Variants in SHB observed in about 807,000 individuals in gnomAD.
SHB encodes the protein SH2 domain-containing adapter protein B.
SHB carries 20 observed loss-of-function variants against 52.3 expected under a neutral mutation model. The observed-to-expected ratio is 0.38, with a 90% CI of 0.27 to 0.56. The LOEUF (loss-of-function observed/expected upper bound fraction) is 0.56, where lower values mean the gene tolerates loss of function less well. Among genes scored for constraint, SHB ranks in the 20% least tolerant of loss-of-function variants. The pLI is 0.71. For missense variants in SHB, 825 were observed against 723.3 expected (o/e 1.14, Z -1.61); for synonymous variants, 397 against 316.5 (o/e 1.25, Z -2.70).
intron 1 of SHB, among the ~76,000 whole-genome samples, chr9:38,066,338 C>G (rs1821960207): frequency 6.6e-6 from 1 of 152,196 alleles, no homozygotes; most frequent in Non-Finnish European, 1.5e-5. Flanking sequence ...GTGCAGTTAG[C>G]CGTGACCCTC....
intron 5 of SHB, among the ~76,000 whole-genome samples, chr9:37,923,252 A>C (rs1832204549): frequency 6.6e-6 from 1 of 152,222 alleles, no homozygotes; most frequent in African/African-American, 2.4e-5. Flanking sequence ...TCAGACTCTG[A>C]GCAAACATCC....
chr9:37,961,812 A>C (rs1832694818), intron 3 of SHB, among the ~76,000 whole-genome samples: 1 of 152,184 alleles, frequency 6.6e-6, no homozygotes, highest in Non-Finnish European at 1.5e-5. Context: ...AGTCTGCACC[A>C]CTGTCCTGGC....
intron 1 of SHB, among the ~76,000 whole-genome samples, chr9:38,016,674 C>A (rs1462701658): frequency 6.6e-6 from 1 of 152,162 alleles, no homozygotes; most frequent in Non-Finnish European, 1.5e-5. Context: ...CAACTACATA[C>A]AAAGATCACT....
intron 2 of SHB, among the ~76,000 whole-genome samples, chr9:38,015,040 T>C (rs10814642): frequency 0.43 from 65,472 of 152,116 alleles, 14,435 homozygotes; most frequent in Middle Eastern, 0.51. Flanking sequence ...AGTGTCCAGA[T>C]ACACAGGGTA....
At chr9:38,007,797 T>C (rs1350761870) in intron 2 of SHB, among the ~76,000 whole-genome samples, 1 of 151,534 alleles carries the variant, frequency 6.6e-6, no homozygotes, top group Non-Finnish European at 1.5e-5. Flanking sequence ...GTATGTAATA[T>C]GCTAAATAAT....
intron 2 of SHB, among the ~76,000 whole-genome samples, chr9:38,012,735 G>A (rs1486368445): frequency 1.3e-5 from 2 of 151,238 alleles, no homozygotes; most frequent in Non-Finnish European, 2.9e-5. Context: ...TACGCCACCT[G>A]CGGCACACGG....
intron 1 of SHB, among the ~76,000 whole-genome samples, chr9:38,028,420 A>G (rs1191192629): frequency 6.6e-6 from 1 of 152,178 alleles, no homozygotes; most frequent in African/African-American, 2.4e-5. Context: ...CGGTGTGCCC[A>G]TTTCATCACC....
chr9:38,064,850 T>A (rs141166516), intron 1 of SHB, among the ~76,000 whole-genome samples: 1 of 152,340 alleles, frequency 6.6e-6, no homozygotes, highest in East Asian at 1.9e-4. Context: ...AATGGAAAAG[T>A]TGGCAGGGTG....
chr9:37,929,251 C>T (rs1376143739), intron 5 of SHB, among the ~76,000 whole-genome samples: 2 of 152,224 alleles, frequency 1.3e-5, no homozygotes, highest in Non-Finnish European at 2.9e-5. Context: ...GCGGAGGTGC[C>T]GCCGAGTATG....
At chr9:38,046,696 A>G (rs1341312871) in intron 1 of SHB, among the ~76,000 whole-genome samples, 1 of 152,238 alleles carries the variant, frequency 6.6e-6, no homozygotes, top group Non-Finnish European at 1.5e-5. Flanking sequence ...AAGGAATTGA[A>G]ATCGCAATGA....
chr9:37,949,246 A>G (rs751002520), intron 4 of SHB, among the ~76,000 whole-genome samples: 73 of 152,038 alleles, frequency 4.8e-4, no homozygotes, highest in Non-Finnish European at 9.1e-4. Flanking sequence ...TACAAAAATT[A>G]GCCGGGCGTG....
At chr9:38,002,086 T>G (rs573043387) in intron 2 of SHB, among the ~76,000 whole-genome samples, 1 of 152,256 alleles carries the variant, frequency 6.6e-6, no homozygotes, top group South Asian at 2.1e-4. Context: ...TGGCTGACCC[T>G]GGGTGGGTCA....
chr9:38,026,311 G>A (rs1821343617), intron 1 of SHB, among the ~76,000 whole-genome samples: 1 of 152,232 alleles, frequency 6.6e-6, no homozygotes, highest in East Asian at 1.9e-4. Flanking sequence ...AGGTTAAAGG[G>A]GAGAAAGAGC....
intron 2 of SHB, among the ~76,000 whole-genome samples, chr9:37,996,011 CAGAAA>C (rs1371759000): frequency 2.6e-5 from 4 of 152,160 alleles, no homozygotes; most frequent in Non-Finnish European, 5.9e-5. Context: ...CAGGGTTCAC[CAGAAA>C]GCTCCCACTG....
intron 1 of SHB, among the ~76,000 whole-genome samples, chr9:38,047,727 C>A (rs1821676254): frequency 6.6e-6 from 1 of 152,222 alleles, no homozygotes; most frequent in Non-Finnish European, 1.5e-5. Context: ...AGGAATAGCG[C>A]CAGTAAATCC....
rs1821345627 is a variant in SHB at position 38,026,473 on chromosome 9, A to T, written c.718-10342T>A. 2.0e-5 allele frequency among the ~76,000 whole-genome samples: 3 copies of T among 152,240 alleles called. No homozygotes were observed. The South Asian group carries it at 6.2e-4, about 31-fold the overall frequency. On this transcript the variant is annotated intron_variant, in intron 1 of 5. Coordinates refer to ENST00000377707, the MANE Select transcript of SHB (RefSeq NM_003028.3). ...GCACATTTCCCACAGGGGAGCTAAA[A>T]GGCTGGGCCAGGCCCCTTTAAGGCA...
At chr9:37,951,462 T>C (rs1832565875) in intron 4 of SHB, among the ~76,000 whole-genome samples, 1 of 152,180 alleles carries the variant, frequency 6.6e-6, no homozygotes, top group Admixed American at 6.5e-5. Flanking sequence ...ACTTCGGAAG[T>C]AAGAGTTAAC....
At chr9:37,955,533 A>G (rs1201743794) in intron 4 of SHB, among the ~76,000 whole-genome samples, 1 of 152,146 alleles carries the variant, frequency 6.6e-6, no homozygotes, top group African/African-American at 2.4e-5. Context: ...GCTCGACTGC[A>G]GTAGTGTGAT....
At chr9:37,962,113 C>T (rs1832697926) in intron 3 of SHB, among the ~76,000 whole-genome samples, 1 of 152,218 alleles carries the variant, frequency 6.6e-6, no homozygotes, top group South Asian at 2.1e-4. Flanking sequence ...CATCTGCAAA[C>T]CAGGGCTGAC....
Sources: gnomAD v4.1 joint callset for allele counts (sites outside exome capture counted in the v4.1 genomes callset) on GRCh38, gnomAD v4.1.1 for gene constraint, MANE v1.5 for transcripts, NCBI Gene and HGNC (gene_info 2026-07-23, HGNC 2026-07-21) for gene names.